The following RADX variants were observed in gnomAD, a reference collection of about 807,000 sequenced individuals.
The protein encoded by RADX is RPA-related protein RADX.
A neutral mutation model predicts 61.6 loss-of-function variants in RADX; 36 were observed. The observed-to-expected ratio is 0.58, with a 90% CI of 0.45 to 0.77. The LOEUF is 0.77. Among genes scored for constraint, RADX ranks in the 30% least tolerant of loss-of-function variants. The pLI is 0.00. For synonymous variants in RADX, 272 were observed against 237.9 expected (o/e 1.14, Z -1.32); for missense variants, 497 against 651.1 (o/e 0.76, Z 2.58).
intron 12 of RADX, 64 bp from the exon 13 acceptor site, chrX:106,669,099 C>G (rs777776334): frequency 6.6e-6 from 6 of 915,099 alleles, no homozygotes; most frequent in Admixed American, 2.4e-5. Context: ...AACCAGCAAA[C>G]TCGGCATCAG....
At chrX:106,651,230 GA>G (rs1927786974) in intron 11 of RADX, among the ~76,000 whole-genome samples, 1 of 110,962 alleles carries the variant, frequency 9.0e-6, no homozygotes, top group African/African-American at 3.3e-5. Flanking sequence ...ATAAAAAAAA[GA>G]CAGATTTATC....
chrX:106,633,719 G>A (rs1286794294), intron 6 of RADX, among the ~76,000 whole-genome samples: 1 of 111,880 alleles, frequency 8.9e-6, no homozygotes, highest in Non-Finnish European at 1.9e-5. Flanking sequence ...AATTATTCAA[G>A]TAAGTTGGTA....
At chrX:106,658,531 T>C (rs1423395336) in intron 11 of RADX, among the ~76,000 whole-genome samples, 1 of 112,117 alleles carries the variant, frequency 8.9e-6, no homozygotes, top group African/African-American at 3.2e-5. Context: ...CATTCCAAGA[T>C]TTTCACTGGA....
chrX:106,663,296 T>C (rs1928148836), intron 12 of RADX, among the ~76,000 whole-genome samples: 1 of 111,325 alleles, frequency 9.0e-6, no homozygotes, highest in African/African-American at 3.3e-5. Flanking sequence ...TCCTCACATA[T>C]AAATATGTAC....
chrX:106,670,183 T>C (rs1603063528), intron 13 of RADX, among the ~76,000 whole-genome samples: 1 of 88,785 alleles, frequency 1.1e-5, no homozygotes, highest in Non-Finnish European at 2.0e-5. Context: ...TAAGAGATGA[T>C]TTTTTTTTTA....
chrX:106,626,124 A>G (rs1927070015), intron 3 of RADX, among the ~76,000 whole-genome samples: 1 of 111,653 alleles, frequency 9.0e-6, no homozygotes, highest in South Asian at 3.7e-4. Flanking sequence ...TTGTTTTTAG[A>G]TATGACCGTG....
Position 106,646,250 on chromosome X carries a change from T to G in RADX, c.1905-2063T>G, listed in dbSNP as rs181559259. On this transcript the variant is annotated intron_variant, in intron 10 of 13. Coordinates refer to ENST00000372548, the MANE Select transcript of RADX (RefSeq NM_018015.6). Reference sequence around the variant, plus strand: ...AACAGATCAATGGATTTTGCTGCTATGGGATAAGACTTTTGGGGCTGTTGT... The same window carrying G: ...AACAGATCAATGGATTTTGCTGCTAGGGGATAAGACTTTTGGGGCTGTTGT... Among the ~76,000 whole-genome samples the G allele has an allele frequency of 3.3e-4, 37 of 110,819 alleles. 1 individual carries two copies. Among genetic ancestry groups the G allele is most frequent in the African/African-American group, 1.2e-3 (37 of 30,623 alleles).
At chrX:106,619,513 G>T (rs1393193361) in intron 1 of RADX, among the ~76,000 whole-genome samples, 2 of 112,027 alleles carry the variant, frequency 1.8e-5, no homozygotes, top group African/African-American at 6.5e-5. Context: ...CTCAGGGAAA[G>T]AGCTGTTCTT....
chrX:106,613,210 T>C (rs1926722537), intron 1 of RADX, among the ~76,000 whole-genome samples: 1 of 112,358 alleles, frequency 8.9e-6, no homozygotes, highest in East Asian at 2.8e-4. Flanking sequence ...GATGTATTCC[T>C]TAATACTTTA....
At position 106,678,586 on chromosome X, in the gene RADX, A is replaced by G. The variant is rs1393206535; in HGVS notation, c.*328A>G. On this transcript the variant is annotated 3_prime_UTR_variant, in exon 14 of 14. Transcript: ENST00000372548. ...TGTACTTTCATTCTAAAGCCTCAGT[A>G]TAAGGCATCCTAACTTACAAGAGTA... The G allele has an allele frequency of 1.6e-5, 2 of 128,229 alleles. No individual in the cohort carries two copies. Among genetic ancestry groups the G allele is most frequent in the African/African-American group, 6.4e-5 (2 of 31,427 alleles). 10.6% of individuals were successfully genotyped at this position (128,229 alleles called of 1,213,427 possible).
At position 106,673,827 on chromosome X, in the gene RADX, G is replaced by A. The variant is rs1321334374; in HGVS notation, c.2438-4301G>A. On this transcript the variant is annotated intron_variant, in intron 13 of 13. Coordinates refer to ENST00000372548, the MANE Select transcript of RADX (RefSeq NM_018015.6). ...AGAGCACTTTAGCTCATGGTGGTGA[G>A]GCTTGTGGACTGCTGGGATTAGTGA... 3.6e-5 allele frequency among the ~76,000 whole-genome samples: 4 copies of A among 111,055 alleles called. No individual in the cohort carries two copies. The East Asian group carries it at 1.1e-3, about 32-fold the overall frequency.
chrX:106,634,325 G>A (rs1196484257), intron 6 of RADX, among the ~76,000 whole-genome samples: 1 of 110,744 alleles, frequency 9.0e-6, no homozygotes, highest in Non-Finnish European at 1.9e-5. Context: ...CAGTAGAGAC[G>A]GGGTTTCACC....
intron 1 of RADX, among the ~76,000 whole-genome samples, chrX:106,615,125 ACT>A: frequency 9.0e-6 from 1 of 111,067 alleles, no homozygotes; most frequent in South Asian, 3.8e-4. Context: ...AGCAACCCAA[ACT>A]CTACCGGGGT....
intron 11 of RADX, among the ~76,000 whole-genome samples, chrX:106,652,139 A>G (rs765212492): frequency 7.2e-5 from 8 of 111,498 alleles, no homozygotes; most frequent in Non-Finnish European, 1.5e-4. Flanking sequence ...TAATCCAGTT[A>G]CATGCTACAT....
intron 12 of RADX, 140 bp downstream of exon 12, chrX:106,662,445 G>A (rs1435782029): frequency 2.1e-6 from 1 of 482,599 alleles, no homozygotes; most frequent in African/African-American, 2.4e-5. Flanking sequence ...CAAAAGGAAT[G>A]GAGCACCAAT....
intron 3 of RADX, among the ~76,000 whole-genome samples, chrX:106,631,328 A>G (rs1447382095): frequency 8.9e-6 from 1 of 111,980 alleles, no homozygotes; most frequent in Non-Finnish European, 1.9e-5. Flanking sequence ...AACCATAAGT[A>G]TATGAAATGT....
intron 13 of RADX, among the ~76,000 whole-genome samples, chrX:106,671,130 A>C (rs1236499915): frequency 8.9e-6 from 1 of 111,872 alleles, no homozygotes; most frequent in Non-Finnish European, 1.9e-5. Flanking sequence ...CTCTTTAAGA[A>C]ATGATTTTTG....
At chrX:106,667,016 C>T (rs749552007) in intron 12 of RADX, among the ~76,000 whole-genome samples, 1 of 112,493 alleles carries the variant, frequency 8.9e-6, no homozygotes, top group East Asian at 2.8e-4. Context: ...GCCTAGCACT[C>T]TTCTAAGTGC....
At chrX:106,672,786 A>C (rs1034721178) in intron 13 of RADX, among the ~76,000 whole-genome samples, 3 of 111,746 alleles carry the variant, frequency 2.7e-5, no homozygotes, top group African/African-American at 9.8e-5. Context: ...AGAGTCAAAA[A>C]TCTTAGACGT....
Sources: allele counts gnomAD v4.1 joint callset (sites outside exome capture counted in the v4.1 genomes callset), GRCh38; gene constraint gnomAD v4.1.1; transcripts MANE v1.5; gene names NCBI Gene and HGNC (gene_info 2026-07-23, HGNC 2026-07-21).